The following LRP1B variants were observed in gnomAD, a reference collection of about 807,000 sequenced individuals.
LRP1B encodes LDL receptor related protein 1B.
A neutral mutation model predicts 556.6 loss-of-function variants in LRP1B; 217 were observed. The ratio of observed to expected loss-of-function variants is 0.39; its 90% CI spans 0.35 to 0.44. The LOEUF (loss-of-function observed/expected upper bound fraction) is 0.44, where lower values mean the gene tolerates loss of function less well. LRP1B is among the 20% of genes least tolerant of loss of function. The probability of loss-of-function intolerance (pLI) is 1.00; values close to 1 mark genes in which losing one functional copy is unlikely to be tolerated. For synonymous variants in LRP1B, 2,047 were observed against 1,865.8 expected (o/e 1.10, Z -2.50); for missense variants, 5,053 against 5,620.8 (o/e 0.90, Z 3.23).
chr2:140,541,180 G>T, intron 44 of LRP1B, 82 bp from the exon 45 acceptor site: 1 of 1,187,678 alleles, frequency 8.4e-7, no homozygotes, highest in Non-Finnish European at 1.2e-6. Flanking sequence ...TAAACTATTA[G>T]ACTGCCTCAA....
At chr2:140,340,665 A>T (rs527719747) in intron 77 of LRP1B, among the ~76,000 whole-genome samples, 5 of 109,486 alleles carry the variant, frequency 4.6e-5, no homozygotes, top group South Asian at 4.8e-4. Context: ...AGTTAAAATT[A>T]AAAAAAAAAA....
chr2:142,086,333 T>A (rs986463406), intron 1 of LRP1B, among the ~76,000 whole-genome samples: 1 of 152,206 alleles, frequency 6.6e-6, no homozygotes, highest in South Asian at 2.1e-4. Flanking sequence ...AGTTAGTCTC[T>A]TAAAAAACGG....
At chr2:140,399,649 A>G (rs987841243) in intron 66 of LRP1B, among the ~76,000 whole-genome samples, 3 of 152,166 alleles carry the variant, frequency 2.0e-5, no homozygotes, top group African/African-American at 4.8e-5. Context: ...TAAAGTATCT[A>G]TTGTCAAATC....
chr2:140,903,275 T>C (rs1375155149), intron 22 of LRP1B, 110 bp from the exon 23 acceptor site: 3 of 1,271,132 alleles, frequency 2.4e-6, no homozygotes, highest in Non-Finnish European at 3.2e-6. Flanking sequence ...ATACTACAAA[T>C]GAATATAAGA....
chr2:141,043,837 A>T (rs564845237), intron 11 of LRP1B, among the ~76,000 whole-genome samples: 1 of 152,170 alleles, frequency 6.6e-6, no homozygotes, highest in South Asian at 2.1e-4. Flanking sequence ...ATTCAAGAAG[A>T]TAAAAATGAA....
intron 18 of LRP1B, among the ~76,000 whole-genome samples, chr2:140,952,190 G>A (rs1486076361): frequency 6.6e-6 from 1 of 152,074 alleles, no homozygotes; most frequent in Non-Finnish European, 1.5e-5. Flanking sequence ...AGGATCATTT[G>A]GATTCATTAT....
chr2:140,793,358 T>G (rs990586742), intron 32 of LRP1B, among the ~76,000 whole-genome samples: 3 of 152,026 alleles, frequency 2.0e-5, no homozygotes, highest in Admixed American at 1.3e-4. Context: ...AGCACTTTAA[T>G]CTGGTTTGAG....
chr2:141,009,704 T>C (rs1267033184), intron 14 of LRP1B, among the ~76,000 whole-genome samples: 1 of 151,978 alleles, frequency 6.6e-6, no homozygotes, highest in Non-Finnish European at 1.5e-5. Context: ...AATCTCTAAA[T>C]CCTGGATTCT....
In LRP1B at chr2:141,190,725, G is replaced by GA. The variant is rs139792886; in HGVS notation, c.851-2143dup. 5.6e-3 allele frequency among the ~76,000 whole-genome samples: 855 copies of GA among 151,904 alleles called. 11 individuals carry two copies. The highest frequency in any genetic ancestry group is 0.019 in the African/African-American group (805 of 41,474). Reference sequence around the variant, plus strand: ...TATTATAGTCACATTTTTAACTTTTGAAAATTATACTTTGATACTTCCTTT... The same window carrying GA: ...TATTATAGTCACATTTTTAACTTTTGAAAAATTATACTTTGATACTTCCTTT... On this transcript the variant is annotated intron_variant, in intron 6 of 90. Coordinates refer to ENST00000389484, the MANE Select transcript of LRP1B (RefSeq NM_018557.3).
At chr2:142,030,256 C>A (rs1242073369) in intron 1 of LRP1B, among the ~76,000 whole-genome samples, 1 of 151,752 alleles carries the variant, frequency 6.6e-6, no homozygotes, top group African/African-American at 2.4e-5. Context: ...ATGAAGAAGG[C>A]TATAAAAGGA....
intron 41 of LRP1B, among the ~76,000 whole-genome samples, chr2:140,689,788 T>G (rs1235338541): frequency 2.0e-5 from 3 of 152,160 alleles, no homozygotes; most frequent in Non-Finnish European, 4.4e-5. Flanking sequence ...AGGTTTCTAG[T>G]AAAGTTCAAG....
At chr2:140,798,691 C>T (rs1345423384) in intron 32 of LRP1B, among the ~76,000 whole-genome samples, 1 of 152,168 alleles carries the variant, frequency 6.6e-6, no homozygotes, top group East Asian at 1.9e-4. Flanking sequence ...ATCATATTGT[C>T]AACCTGCTAG....
intron 15 of LRP1B, among the ~76,000 whole-genome samples, chr2:140,998,435 T>C (rs943822154): frequency 6.6e-6 from 1 of 151,474 alleles, no homozygotes; most frequent in South Asian, 2.1e-4. Context: ...CTATATTGTG[T>C]TTTTTTCCCA....
At chr2:142,005,658 T>C (rs1702777443) in intron 1 of LRP1B, among the ~76,000 whole-genome samples, 1 of 152,178 alleles carries the variant, frequency 6.6e-6, no homozygotes, top group Admixed American at 6.5e-5. Flanking sequence ...TAAGTTATGA[T>C]GACTGTAATG....
At position 141,455,248 on chromosome 2, in the gene LRP1B, TA is replaced by T. The variant is rs201384628; in HGVS notation, c.343+25147del. ...CTATCTGAATAACCATCTTAATCAT[TA>T]AAAAAAAAAAAGGAACAAAGAAAAA... On this transcript the variant is annotated intron_variant, in intron 3 of 90. Transcript: ENST00000389484. 6.8e-3 allele frequency among the ~76,000 whole-genome samples: 961 copies of T among 141,554 alleles called. 2 individuals carry two copies. The highest frequency in any genetic ancestry group is 8.6e-3 in the Non-Finnish European group (557 of 64,542). 92.9% of individuals were successfully genotyped at this position (141,554 alleles called of 152,430 possible).
At chr2:140,425,143 G>T (rs1472415322) in intron 66 of LRP1B, among the ~76,000 whole-genome samples, 2 of 151,218 alleles carry the variant, frequency 1.3e-5, no homozygotes, top group African/African-American at 2.4e-5. Context: ...GTTTATCATT[G>T]CTCTCAAATG....
intron 2 of LRP1B, among the ~76,000 whole-genome samples, chr2:141,680,634 A>T (rs1691068055): frequency 6.6e-6 from 1 of 152,180 alleles, no homozygotes; most frequent in Non-Finnish European, 1.5e-5. Flanking sequence ...AGGCACATCC[A>T]CAAAAATAGA....
chr2:140,645,647 C>T (rs1481542087), intron 41 of LRP1B, among the ~76,000 whole-genome samples: 2 of 146,076 alleles, frequency 1.4e-5, no homozygotes, highest in East Asian at 2.1e-4. Context: ...TCACGCCATT[C>T]TCCTGCCTCA....
At chr2:140,469,712 A>G (rs1687687780) in intron 60 of LRP1B, among the ~76,000 whole-genome samples, 1 of 152,192 alleles carries the variant, frequency 6.6e-6, no homozygotes, top group African/African-American at 2.4e-5. Context: ...CTTATGCTAT[A>G]ACTATTAATA....
Sources: allele counts gnomAD v4.1 joint callset (sites outside exome capture counted in the v4.1 genomes callset), GRCh38; gene constraint gnomAD v4.1.1; transcripts MANE v1.5; gene names NCBI Gene and HGNC (gene_info 2026-07-23, HGNC 2026-07-21).